Variants in RXFP2 observed in about 807,000 individuals in gnomAD.
RXFP2 encodes relaxin receptor 2.
Under a neutral mutation model 88.6 loss-of-function variants are expected in RXFP2, and 68 were observed. The ratio of observed to expected loss-of-function variants is 0.77; its 90% CI spans 0.63 to 0.94. RXFP2 has a LOEUF of 0.94. RXFP2 is among the 40% of genes least tolerant of loss of function. The pLI is 0.00. For missense variants in RXFP2, 791 were observed against 893.9 expected (o/e 0.88, Z 1.47); for synonymous variants, 329 against 306.8 (o/e 1.07, Z -0.76).
intron 13 of RXFP2, 115 bp downstream of exon 13, chr13:31,786,752 G>GA: frequency 4.3e-6 from 3 of 701,852 alleles, no homozygotes; most frequent in Non-Finnish European, 7.7e-6. Context: ...ACAACTGTCT[G>GA]AATCACAGAT....
chr13:31,791,437 C>G (rs1278476186), intron 14 of RXFP2, among the ~76,000 whole-genome samples: 10 of 152,144 alleles, frequency 6.6e-5, no homozygotes, highest in Admixed American at 6.5e-4. Flanking sequence ...ATCCCAAGCC[C>G]AAGCCCCTGA....
chr13:31,783,270 C>T (rs1873372628), intron 11 of RXFP2, among the ~76,000 whole-genome samples: 1 of 152,156 alleles, frequency 6.6e-6, no homozygotes. Context: ...TGAATTTTTT[C>T]TGTTCAAATA....
chr13:31,799,197 A>G (rs927436006), intron 17 of RXFP2, among the ~76,000 whole-genome samples: 1 of 149,780 alleles, frequency 6.7e-6, no homozygotes. Context: ...CCCCCTCCCC[A>G]CTACTGTCTC....
intron 1 of RXFP2, among the ~76,000 whole-genome samples, chr13:31,746,618 C>T (rs889749745): frequency 1.3e-5 from 2 of 152,158 alleles, no homozygotes; most frequent in Non-Finnish European, 2.9e-5. Flanking sequence ...GATTCTACTT[C>T]TTATTCATCA....
chr13:31,802,367 A>G lies in RXFP2; in HGVS notation c.2227A>G (p.Ile743Val), dbSNP rs1261194579. 2.5e-6 allele frequency: 4 copies of G among 1,614,154 alleles called. No homozygotes were observed. Among genetic ancestry groups the G allele is most frequent in the Non-Finnish European group, 3.4e-6 (4 of 1,180,016 alleles). The change falls in exon 18 of 18, where the codon ATA becomes GTA. Residue 743 changes from isoleucine (I) to valine (V), a missense_variant. By Grantham distance (29) the Ile-to-Val change is conservative. Coordinates refer to ENST00000298386, the MANE Select transcript of RXFP2 (RefSeq NM_130806.5). ...CCTGAAACTTGGGGTTTTGAACAAA[A>G]TAACACTTGGAGACAGTATAATGAA... ...SSLKLGVLNK[I>V]TLGDSIMKPV... is the part of the protein sequence containing the mutation.
At chr13:31,769,807 T>A (rs549370097) in intron 5 of RXFP2, among the ~76,000 whole-genome samples, 4 of 152,194 alleles carry the variant, frequency 2.6e-5, no homozygotes, top group Non-Finnish European at 1.5e-5. Context: ...CTTAAATACA[T>A]CCCTAGTCAG....
chr13:31,756,713 C>A (rs1413000162), intron 1 of RXFP2, among the ~76,000 whole-genome samples: 1 of 151,886 alleles, frequency 6.6e-6, no homozygotes, highest in Non-Finnish European at 1.5e-5. Context: ...CCTCTGCCCC[C>A]CAAGTTCAAG....
At position 31,787,944 on chromosome 13, in the gene RXFP2, C is replaced by G. The variant is rs544827498; in HGVS notation, c.1074-1178C>G. ...GCGTGAGCCACCGTGCCTGCCCAGTCTTTCTTTTTTTCCTGTGATTCATTT... is the reference window on the plus strand; with the variant it reads ...GCGTGAGCCACCGTGCCTGCCCAGTGTTTCTTTTTTTCCTGTGATTCATTT... On this transcript the variant is annotated intron_variant, in intron 13 of 17. Transcript: ENST00000298386. Among the ~76,000 whole-genome samples the G allele has an allele frequency of 3.3e-5, 5 of 152,250 alleles. No individual in the cohort carries two copies. In the South Asian group the frequency reaches 6.2e-4, roughly 19 times the overall value.
intron 1 of RXFP2, among the ~76,000 whole-genome samples, chr13:31,755,688 A>C (rs762660317): frequency 1.3e-4 from 20 of 152,168 alleles, no homozygotes; most frequent in Non-Finnish European, 2.2e-4. Flanking sequence ...ATGACACAGT[A>C]TGCCTCTCCC....
chr13:31,746,242 C>A (rs1437915389), intron 1 of RXFP2, among the ~76,000 whole-genome samples: 1 of 152,186 alleles, frequency 6.6e-6, no homozygotes, highest in African/African-American at 2.4e-5. Context: ...CCTGGAAAAA[C>A]TGGCCAAAAT....
At chr13:31,787,591 ACTTTT>A (rs889846861) in intron 13 of RXFP2, among the ~76,000 whole-genome samples, 1 of 152,128 alleles carries the variant, frequency 6.6e-6, no homozygotes, top group Non-Finnish European at 1.5e-5. Flanking sequence ...TTTATTACAT[ACTTTT>A]CTTTATTCAT....
At chr13:31,799,514 C>G (rs889509904) in intron 17 of RXFP2, among the ~76,000 whole-genome samples, 1 of 152,114 alleles carries the variant, frequency 6.6e-6, no homozygotes, top group Non-Finnish European at 1.5e-5. Flanking sequence ...CAAGCCTGAC[C>G]CCGTCTCCAC....
intron 9 of RXFP2, among the ~76,000 whole-genome samples, chr13:31,779,043 A>G (rs933662011): frequency 6.6e-6 from 1 of 151,912 alleles, no homozygotes; most frequent in South Asian, 2.1e-4. Flanking sequence ...CATCATCTAC[A>G]AAACTCCACC....
chr13:31,791,737 C>T (rs771642367), intron 14 of RXFP2, 69 bp from the exon 15 acceptor site: 30 of 1,063,244 alleles, frequency 2.8e-5, no homozygotes, highest in Admixed American at 1.4e-4. Context: ...GTTGCAGCCC[C>T]GATAGGACTG....
rs1873852234 is a variant in RXFP2, at chr13:31,792,695, G to A, written c.1393G>A (p.Gly465Ser). Residue 465 changes from glycine to serine, a missense_variant, in exon 16 of 18, where the codon GGT becomes AGT. By Grantham distance (56) the Gly-to-Ser change is moderately conservative. Transcript: ENST00000298386. The part of the protein sequence containing the change: ...KILCCADCLM[G>S]VYLFFVGIFD... ...TTCCACAGGTGCTGATTGCCTGATG[G>A]GTGTTTACTTGTTCTTTGTTGGCAT... 1 of 1,614,080 alleles carries A rather than the reference G, an allele frequency of 6.2e-7. No homozygotes were observed. Among genetic ancestry groups the A allele is most frequent in the Non-Finnish European group, 8.5e-7 (1 of 1,179,996 alleles).
chr13:31,766,108 T>C (rs1872539913), intron 5 of RXFP2, 81 bp downstream of exon 5: 1 of 761,576 alleles, frequency 1.3e-6, no homozygotes, highest in Admixed American at 2.0e-5. Context: ...AAATAAAATA[T>C]TGTTTGTTAT....
chr13:31,778,644 G>A, intron 9 of RXFP2, 61 bp downstream of exon 9: 1 of 1,149,374 alleles, frequency 8.7e-7, no homozygotes, highest in Non-Finnish European at 1.3e-6. Context: ...TAGCCATAAA[G>A]TTAATTCAAG....
At chr13:31,761,977 C>T (rs565549606) in intron 3 of RXFP2, among the ~76,000 whole-genome samples, 176 bp downstream of exon 3, 7 of 152,308 alleles carry the variant, frequency 4.6e-5, no homozygotes, top group Non-Finnish European at 8.8e-5. Context: ...AAAAAGAAAA[C>T]GACCATCTCC....
Position 31,792,040 on chromosome 13 carries a change from GTA to G in RXFP2, c.1375+7_1375+8del, listed in dbSNP as rs1314917735. 1.9e-6 allele frequency: 3 copies of G among 1,591,514 alleles called. No homozygotes were observed. The South Asian group carries it at 3.3e-5, about 18-fold the overall frequency. On this transcript the variant is annotated splice_donor_region_variant and intron_variant, in intron 15 of 17. Transcript: ENST00000298386. ...TGTCCATCAAAATCCTTTGTTGTAA[GTA>G]TGTTTCCAGTATAAGTAGATTAAGG...
Sources: gnomAD v4.1 joint callset for allele counts (sites outside exome capture counted in the v4.1 genomes callset) on GRCh38, gnomAD v4.1.1 for gene constraint, MANE v1.5 for transcripts, NCBI Gene and HGNC (gene_info 2026-07-23, HGNC 2026-07-21) for gene names.